The following GADD45A variants were observed in gnomAD, a reference collection of about 807,000 sequenced individuals.
The protein encoded by GADD45A is growth arrest and DNA damage-inducible protein GADD45 alpha.
A neutral mutation model predicts 17.7 loss-of-function variants in GADD45A; 9 were observed. That is an observed-to-expected ratio of 0.51 (90% CI 0.31 to 0.89). GADD45A has a LOEUF of 0.89. Ranked by LOEUF, GADD45A falls within the 40% of genes least tolerant of loss-of-function variation. The pLI is 0.05. For missense variants in GADD45A, 149 were observed against 220.6 expected (o/e 0.68, Z 2.06); for synonymous variants, 95 against 92.2 (o/e 1.03, Z -0.17).
At chr1:67,685,696 C>A in intron 1 of GADD45A, 158 bp downstream of exon 1, 1 of 737,312 alleles carries the variant, frequency 1.4e-6, no homozygotes, top group South Asian at 1.8e-5. Flanking sequence ...GTGGAGCTCC[C>A]ACGGACTGAA....
At position 67,688,081 on chromosome 1, in the gene GADD45A, A is replaced by T; in HGVS notation, c.*307A>T. The T allele has an allele frequency of 4.0e-6, 1 of 249,604 alleles. No homozygotes were observed. The highest frequency in any genetic ancestry group is 7.7e-6 in the Non-Finnish European group (1 of 129,960). 15.5% of individuals were successfully genotyped at this position (249,604 alleles called of 1,614,324 possible). A position where few individuals can be genotyped will look rare whatever the true frequency, so the allele number is the denominator to read the frequency against. ...TAGAATGGTTGAGTTACATTAAAAT[A>T]AACCAAATATGTTAAAGTTTAAGTG... On this transcript the variant is annotated 3_prime_UTR_variant, in exon 4 of 4. Transcript: ENST00000370986.
intron 1 of GADD45A, 76 bp from the exon 2 acceptor site, chr1:67,685,949 G>A (rs191375558): frequency 3.3e-6 from 3 of 922,496 alleles, no homozygotes; most frequent in Middle Eastern, 2.3e-4. Flanking sequence ...GAGGGGCGTG[G>A]TACCGGACGA....
chr1:67,685,961 G>T, intron 1 of GADD45A, 64 bp from the exon 2 acceptor site: 4 of 1,059,400 alleles, frequency 3.8e-6, no homozygotes, highest in Non-Finnish European at 5.6e-6. Flanking sequence ...ACCGGACGAG[G>T]GGGGCGGCGA....
intron 2 of GADD45A, 25 bp from the exon 3 acceptor site, chr1:67,686,325 C>T (rs766342770): frequency 9.4e-6 from 15 of 1,601,818 alleles, no homozygotes; most frequent in South Asian, 3.3e-5. Flanking sequence ...CTTCTGCGCT[C>T]ACTGGCCCCG....
intron 1 of GADD45A, 139 bp from the exon 2 acceptor site, chr1:67,685,886 A>G (rs1646129462): frequency 1.6e-6 from 1 of 617,754 alleles, no homozygotes; most frequent in Non-Finnish European, 2.8e-6. Flanking sequence ...GGGCCGCGGG[A>G]GCGCCGGGTT....
In GADD45A at chr1:67,685,469, T is replaced by G; in HGVS notation, c.-26T>G. 4 of 1,602,082 alleles carry G rather than the reference T, an allele frequency of 2.5e-6. No homozygotes were observed. The highest frequency in any genetic ancestry group is 3.4e-6 in the Non-Finnish European group (4 of 1,173,796). On this transcript the variant is annotated 5_prime_UTR_variant, in exon 1 of 4. Transcript: ENST00000370986. ...GGAGCAGCCCGCACGCCGCGCTCTC[T>G]CCCTGGGCGACCTGCAGTTTGCAAT...
intron 3 of GADD45A, 46 bp downstream of exon 3, chr1:67,686,633 G>T: frequency 6.5e-7 from 1 of 1,532,612 alleles, no homozygotes; most frequent in Non-Finnish European, 8.9e-7. Context: ...GCCCCGGAAG[G>T]ACGGGAGTCA....
In GADD45A at chr1:67,686,459, G is replaced by T. The variant is rs752321212; in HGVS notation, c.256G>T (p.Asp86Tyr). 3 of 1,613,742 alleles carry T rather than the reference G, an allele frequency of 1.9e-6. No homozygotes were observed. In the African/African-American group the frequency reaches 4.0e-5, roughly 22 times the overall value. Reference sequence around the variant, plus strand: ...GATCCAGGCGTTTTGCTGCGAGAACGACATCAACATCCTGCGCGTCAGCAA... The same window carrying T: ...GATCCAGGCGTTTTGCTGCGAGAACTACATCAACATCCTGCGCGTCAGCAA... ...TLIQAFCCEN[D>Y]INILRVSNPG... is the part of the protein sequence containing the mutation. The change falls in exon 3 of 4, where the codon GAC becomes TAC. Residue 86 changes from aspartate to tyrosine, a missense_variant. By Grantham distance (160) the Asp-to-Tyr change is radical. Coordinates refer to ENST00000370986, the MANE Select transcript of GADD45A (RefSeq NM_001924.4).
intron 1 of GADD45A, 58 bp downstream of exon 1, chr1:67,685,596 C>T (rs1465128872): frequency 1.2e-5 from 18 of 1,534,298 alleles, no homozygotes; most frequent in South Asian, 4.7e-5. Flanking sequence ...CCGCGCTCCC[C>T]GGTGCAGCCG....
Position 67,685,363 on chromosome 1 carries a change from G to A in GADD45A, c.-132G>A, listed in dbSNP as rs1049822053. 16 of 757,816 alleles carry A rather than the reference G, an allele frequency of 2.1e-5. No homozygotes were observed. In the African/African-American group the frequency reaches 2.4e-4, roughly 11 times the overall value. The allele number at this position is 757,816 out of a possible 1,614,324, so 46.9% of individuals were successfully genotyped here. On this transcript the variant is annotated 5_prime_UTR_variant, in exon 1 of 4. Coordinates refer to ENST00000370986, the MANE Select transcript of GADD45A (RefSeq NM_001924.4). ...GAGCCCGGGCGGGCGAGGGGCGGCCGGAGAGCGCCAGGGCCTGAGCTGCCG... is the reference window on the plus strand; with the variant it reads ...GAGCCCGGGCGGGCGAGGGGCGGCCAGAGAGCGCCAGGGCCTGAGCTGCCG...
chr1:67,685,933 G>C (rs1004847643), intron 1 of GADD45A, 92 bp from the exon 2 acceptor site: 2 of 801,868 alleles, frequency 2.5e-6, no homozygotes, highest in African/African-American at 3.6e-5. Context: ...GCTTGCATTC[G>C]AGAGGGAGGG....
chr1:67,685,967 G>A, intron 1 of GADD45A, 58 bp from the exon 2 acceptor site: 2 of 1,135,736 alleles, frequency 1.8e-6, no homozygotes, highest in South Asian at 2.7e-5. Context: ...CGAGGGGGGC[G>A]GCGATGGCCC....
At chr1:67,685,941 G>C (rs3783464) in intron 1 of GADD45A, 84 bp from the exon 2 acceptor site, 2 of 844,628 alleles carry the variant, frequency 2.4e-6, no homozygotes, top group Non-Finnish European at 3.7e-6. Flanking sequence ...TCGAGAGGGA[G>C]GGGCGTGGTA....
Position 67,686,347 on chromosome 1 carries a change from C to T in GADD45A, c.147-3C>T. 1.2e-6 allele frequency: 2 copies of T among 1,610,902 alleles called. No individual in the cohort carries two copies. Among genetic ancestry groups the T allele is most frequent in the Non-Finnish European group, 1.7e-6 (2 of 1,178,260 alleles). On this transcript the variant is annotated splice_polypyrimidine_tract_variant and splice_region_variant and intron_variant, in intron 2 of 3. Transcript: ENST00000370986. Reference sequence around the variant, plus strand: ...GCTCACTGGCCCCGCCCGCTGCCCCCAGCGACCCCGATAACGTGGTGTTGT... The same window carrying T: ...GCTCACTGGCCCCGCCCGCTGCCCCTAGCGACCCCGATAACGTGGTGTTGT...
intron 1 of GADD45A, 139 bp downstream of exon 1, chr1:67,685,677 G>C: frequency 1.2e-6 from 1 of 822,698 alleles, no homozygotes; most frequent in East Asian, 2.8e-5. Context: ...TGCTCCCTCG[G>C]GACTCTCCGT....
rs1646148437 is a variant in GADD45A at position 67,688,126 on chromosome 1, T to A, written c.*352T>A. On this transcript the variant is annotated 3_prime_UTR_variant, in exon 4 of 4. Coordinates refer to ENST00000370986, the MANE Select transcript of GADD45A (RefSeq NM_001924.4). Reference sequence around the variant, plus strand: ...TAAGTGTGCAGCCATAGTTTGGGTATTTTTGGTTTATATGCCCTCAAGTAA... The same window carrying A: ...TAAGTGTGCAGCCATAGTTTGGGTAATTTTGGTTTATATGCCCTCAAGTAA... 1 of 179,264 alleles carries A rather than the reference T, an allele frequency of 5.6e-6. No homozygotes were observed. The highest frequency in any genetic ancestry group is 6.0e-5 in the Admixed American group (1 of 16,730). 11.1% of individuals were successfully genotyped at this position (179,264 alleles called of 1,614,324 possible). A position where few individuals can be genotyped will look rare whatever the true frequency, so the allele number is the denominator to read the frequency against.
At chr1:67,687,269 T>C (rs1646142141) in intron 3 of GADD45A, among the ~76,000 whole-genome samples, 1 of 152,216 alleles carries the variant, frequency 6.6e-6, no homozygotes, top group Non-Finnish European at 1.5e-5. Flanking sequence ...CAATTCCAGT[T>C]AACTGCTGTG....
At chr1:67,686,912 C>G (rs889154398) in intron 3 of GADD45A, among the ~76,000 whole-genome samples, 1 of 152,204 alleles carries the variant, frequency 6.6e-6, no homozygotes, top group Non-Finnish European at 1.5e-5. Flanking sequence ...TAGATAAAGC[C>G]AAATGAATTC....
chr1:67,686,488 G>C lies in GADD45A; in HGVS notation c.285G>C (p.Pro95=). ...TCAACATCCTGCGCGTCAGCAACCCGGGCCGGCTGGCGGAGCTCCTGCTCT... is the reference window on the plus strand; with the variant it reads ...TCAACATCCTGCGCGTCAGCAACCCCGGCCGGCTGGCGGAGCTCCTGCTCT... The part of the protein sequence containing the change: ...NDINILRVSN[P]GRLAELLLLE... Residue 95 remains proline (P), a synonymous_variant, in exon 3 of 4, where the codon CCG becomes CCC. Transcript: ENST00000370986. 1 of 1,613,512 alleles carries C rather than the reference G, an allele frequency of 6.2e-7. No homozygotes were observed. The highest frequency in any genetic ancestry group is 8.5e-7 in the Non-Finnish European group (1 of 1,179,870).
Sources: allele counts gnomAD v4.1 joint callset (sites outside exome capture counted in the v4.1 genomes callset), GRCh38; gene constraint gnomAD v4.1.1; transcripts MANE v1.5; gene names NCBI Gene and HGNC (gene_info 2026-07-23, HGNC 2026-07-21).